NOTCH2: variants seen among roughly 807,000 people sequenced by gnomAD.
NOTCH2 encodes the protein notch receptor 2, also known as neurogenic locus notch homolog protein 2.
NOTCH2 carries 29 observed loss-of-function variants against 235.8 expected under a neutral mutation model. The observed-to-expected ratio is 0.12, with a 90% confidence interval of 0.09 to 0.17. The LOEUF is 0.17. Among genes scored for constraint, NOTCH2 ranks in the 10% least tolerant of loss-of-function variants. NOTCH2 has a pLI of 1.00. For missense variants in NOTCH2, 2,285 were observed against 3,150.2 expected (o/e 0.73, Z 6.57); for synonymous variants, 1,086 against 1,141.5 (o/e 0.95, Z 0.98).
rs146068249 is a variant in NOTCH2, at chr1:119,950,728, G to A, written c.2475C>T (p.Tyr825=). 159 of 1,608,048 alleles carry A rather than the reference G, an allele frequency of 9.9e-5. No individual in the cohort carries two copies. Among genetic ancestry groups the A allele is most frequent in the African/African-American group, 2.7e-5 (2 of 74,814 alleles). ...GCTGGTACCTCCAGGACCCACCTGTGTATGGCAGCACACAGTGGCAAGTGT... is the reference window on the plus strand; with the variant it reads ...GCTGGTACCTCCAGGACCCACCTGTATATGGCAGCACACAGTGGCAAGTGT... ...SGYTCHCVLP[Y]TGKNCQTVLA... is the part of the protein sequence containing the mutation. Residue 825 remains tyrosine, a synonymous_variant, in exon 15 of 34, where the codon TAC becomes TAT. Transcript: ENST00000256646.
At chr1:119,981,805 G>C (rs1553201673) in intron 5 of NOTCH2, among the ~76,000 whole-genome samples, 2 of 152,078 alleles carry the variant, frequency 1.3e-5, no homozygotes, top group African/African-American at 4.8e-5. Flanking sequence ...TCACAATCAG[G>C]CTTACAGCAG....
At chr1:119,916,737 T>C (rs1449616407) in intron 33 of NOTCH2, 43 bp from the exon 34 acceptor site, 2 of 1,594,380 alleles carry the variant, frequency 1.3e-6, no homozygotes, top group Admixed American at 1.7e-5. Context: ...AATAACACTC[T>C]TGAGAATATA....
At chr1:119,921,847 T>C (rs1387449064) in intron 28 of NOTCH2, 38 bp from the exon 29 acceptor site, 1 of 1,514,890 alleles carries the variant, frequency 6.6e-7, no homozygotes, top group Admixed American at 1.7e-5. Context: ...AGAATGGCAG[T>C]CATAAACTAA....
chr1:119,918,352 C>T lies in NOTCH2; in HGVS notation c.5929+54G>A, dbSNP rs141371942. ...AAGGGTCACGTAACTCTATTCCCCT[C>T]GTCAGAGGCATGCTTTGCAGGTAAG... On this transcript the variant is annotated intron_variant, in intron 32 of 33. Transcript: ENST00000256646. 4.9e-5 allele frequency: 79 copies of T among 1,604,278 alleles called. No individual in the cohort carries two copies. The East Asian group carries it at 7.4e-4, about 15-fold the overall frequency.
intron 11 of NOTCH2, among the ~76,000 whole-genome samples, chr1:119,962,832 T>C (rs1032688066): frequency 2.6e-5 from 4 of 152,166 alleles, no homozygotes; most frequent in African/African-American, 7.2e-5. Context: ...ACCATAATCA[T>C]TCATCTAATA....
chr1:119,940,798 C>T (rs1650038398), intron 18 of NOTCH2, 42 bp from the exon 19 acceptor site: 3 of 1,526,724 alleles, frequency 2.0e-6, no homozygotes, highest in Non-Finnish European at 2.7e-6. Context: ...TATCTGGTGC[C>T]TGTGACTTAC....
At chr1:119,957,152 A>T (rs1474141701) in intron 12 of NOTCH2, among the ~76,000 whole-genome samples, 3 of 152,248 alleles carry the variant, frequency 2.0e-5, no homozygotes, top group African/African-American at 7.2e-5. Flanking sequence ...TGCTTTAGAC[A>T]CTTGCTATAA....
At position 119,958,714 on chromosome 1, in the gene NOTCH2, A is replaced by ATGTGTGTG. The variant is rs10546889; in HGVS notation, c.2026+670_2026+677dup. 1.5e-4 allele frequency among the ~76,000 whole-genome samples: 22 copies of ATGTGTGTG among 149,862 alleles called. No homozygotes were observed. The South Asian group carries it at 4.0e-3, about 27-fold the overall frequency. ...ATATTGACAAGTAAAGAGAGAGAAG[A>ATGTGTGTG]TGTGTGTGTGTGTGTGTGTGTGTGT... On this transcript the variant is annotated intron_variant, in intron 12 of 33. Coordinates refer to ENST00000256646, the MANE Select transcript of NOTCH2 (RefSeq NM_024408.4).
chr1:120,066,650 T>C (rs1236577242), intron 1 of NOTCH2, among the ~76,000 whole-genome samples: 1 of 151,880 alleles, frequency 6.6e-6, no homozygotes, highest in East Asian at 1.9e-4. Context: ...GCAACTACAA[T>C]CCAGGTGAAC....
At chr1:120,026,951 T>C (rs1378604967) in intron 2 of NOTCH2, among the ~76,000 whole-genome samples, 27 of 101,910 alleles carry the variant, frequency 2.6e-4, no homozygotes, top group African/African-American at 9.8e-4. Context: ...CTCCATTTTC[T>C]TTTTTTTTTT....
At chr1:119,982,453 C>A (rs1433661603) in intron 5 of NOTCH2, among the ~76,000 whole-genome samples, 22 of 152,098 alleles carry the variant, frequency 1.4e-4, no homozygotes, top group African/African-American at 5.1e-4. Flanking sequence ...AGGAAATGAA[C>A]CTTTAAAAAG....
chr1:119,963,889 T>C, intron 10 of NOTCH2, 82 bp from the exon 11 acceptor site: 3 of 1,170,964 alleles, frequency 2.6e-6, no homozygotes, highest in African/African-American at 3.0e-5. Flanking sequence ...TACATCCATT[T>C]ACTCTACACA....
rs375793764 is a variant in NOTCH2, at chr1:119,919,812, C to T, written c.5480-199G>A. ...TTCTGTAAAGAATAATGGGAAAGTA[C>T]AAGTCTTTTTAAGCTGGGGGCTCTT... On this transcript the variant is annotated intron_variant, in intron 30 of 33. Coordinates refer to ENST00000256646, the MANE Select transcript of NOTCH2 (RefSeq NM_024408.4). Among the ~76,000 whole-genome samples, 5 of 152,304 alleles carry T rather than the reference C, an allele frequency of 3.3e-5. No homozygotes were observed. The East Asian group carries it at 9.6e-4, about 29-fold the overall frequency.
intron 5 of NOTCH2, among the ~76,000 whole-genome samples, 171 bp downstream of exon 5, chr1:119,986,789 A>G (rs1283184019): frequency 6.6e-6 from 1 of 152,156 alleles, no homozygotes; most frequent in Non-Finnish European, 1.5e-5. Flanking sequence ...AACATAGGAA[A>G]ATGTATGAGG....
At position 119,932,607 on chromosome 1, in the gene NOTCH2, ATATCTATCTATCTATC is replaced by A. The variant is rs61476083; in HGVS notation, c.3655+2849_3655+2864del. On this transcript the variant is annotated intron_variant, in intron 22 of 33. Transcript: ENST00000256646. The stretch of plus-strand genomic sequence containing the variant: ...CATCTCAAAACAAACAAACAAACAA[ATATCTATCTATCTATC>A]TATCTATCTATCTATCTATCTATCT... 1.1e-4 allele frequency among the ~76,000 whole-genome samples: 16 copies of A among 148,456 alleles called. No individual in the cohort carries two copies. In the East Asian group the frequency reaches 1.2e-3, roughly 11 times the overall value.
intron 22 of NOTCH2, among the ~76,000 whole-genome samples, chr1:119,932,436 A>T (rs1553195263): frequency 5.9e-5 from 9 of 152,066 alleles, no homozygotes; most frequent in African/African-American, 2.2e-4. Context: ...AAAAATACAA[A>T]ATCAGCCAGG....
chr1:119,924,541 T>G (rs1432480557), intron 25 of NOTCH2, among the ~76,000 whole-genome samples: 1 of 152,200 alleles, frequency 6.6e-6, no homozygotes, highest in African/African-American at 2.4e-5. Context: ...ACAGGCTCTT[T>G]CAATATTTGG....
rs148899572 is a variant in NOTCH2, at chr1:119,941,515, T to C, written c.2981+11A>G. ...CGTAAGATGCTGATGCCCGAGGGAC[T>C]GGTTGCTCACCTCTCAGTGCACTCA... On this transcript the variant is annotated intron_variant, in intron 18 of 33. Transcript: ENST00000256646. 159 of 1,583,150 alleles carry C rather than the reference T, an allele frequency of 1.0e-4. 3 individuals carry two copies. The African/African-American group carries it at 1.7e-3, about 17-fold the overall frequency.
chr1:119,969,807 GC>G (rs1651290768), intron 5 of NOTCH2, 63 bp from the exon 6 acceptor site: 6 of 1,368,928 alleles, frequency 4.4e-6, no homozygotes, highest in South Asian at 1.2e-5. Context: ...TACCATACCA[GC>G]CCCCCACACT....
Sources: gnomAD v4.1 joint callset for allele counts (sites outside exome capture counted in the v4.1 genomes callset) on GRCh38, gnomAD v4.1.1 for gene constraint, MANE v1.5 for transcripts, NCBI Gene and HGNC (gene_info 2026-07-23, HGNC 2026-07-21) for gene names.